ATP6V0A2: variants seen among roughly 807,000 people sequenced by gnomAD.
ATP6V0A2 encodes the protein V-type proton ATPase 116 kDa subunit a 2.
Under a neutral mutation model 104.4 loss-of-function variants are expected in ATP6V0A2, and 58 were observed. The observed-to-expected ratio is 0.56, with a 90% confidence interval of 0.45 to 0.69. The LOEUF is 0.69. Among genes scored for constraint, ATP6V0A2 ranks in the 30% least tolerant of loss-of-function variants. ATP6V0A2 has a pLI of 0.00. For missense variants in ATP6V0A2, 938 were observed against 1,062.9 expected, an observed-to-expected ratio of 0.88 and a Z score of 1.63; for synonymous variants, 376 against 397.9, an observed-to-expected ratio of 0.95 and a Z score of 0.65.
chr12:123,753,386 C>T (rs534495599), intron 17 of ATP6V0A2, among the ~76,000 whole-genome samples: 2 of 152,398 alleles, frequency 1.3e-5, no homozygotes, highest in African/African-American at 2.4e-5. Flanking sequence ...TTGTTTCTCA[C>T]AGCCCCGGAG....
At position 123,743,658 on chromosome 12, in the gene ATP6V0A2, A is replaced by C. The variant is rs560210864; in HGVS notation, c.1039-127A>C. The C allele has an allele frequency of 1.1e-3, 1,216 of 1,156,500 alleles. 4 individuals carry two copies. The African/African-American group carries it at 0.014, about 13-fold the overall frequency. 71.6% of individuals were successfully genotyped at this position (1,156,500 alleles called of 1,614,324 possible). On this transcript the variant is annotated intron_variant, in intron 9 of 19. Transcript: ENST00000330342. ...ACAAGAGTGAAACTCCGTCTCAAAAAAAAACAAAACAAAACAACACCACCA... is the reference window on the plus strand; with the variant it reads ...ACAAGAGTGAAACTCCGTCTCAAAACAAAACAAAACAAAACAACACCACCA...
chr12:123,728,233 T>C (rs1214718350), intron 6 of ATP6V0A2, among the ~76,000 whole-genome samples: 3 of 152,150 alleles, frequency 2.0e-5, no homozygotes, highest in African/African-American at 4.8e-5. Context: ...TTAGTTGTCA[T>C]GTCTCTCTCT....
At position 123,744,827 on chromosome 12, in the gene ATP6V0A2, T is replaced by C. The variant is rs1171877160; in HGVS notation, c.1514+43T>C. 6.2e-7 allele frequency: 1 copy of C among 1,613,988 alleles called. No individual in the cohort carries two copies. Among genetic ancestry groups the C allele is most frequent in the Non-Finnish European group, 8.5e-7 (1 of 1,179,962 alleles). On this transcript the variant is annotated intron_variant, in intron 12 of 19. Transcript: ENST00000330342. This position sits in a 1 kb window ranked among gnomAD's most constrained non-coding sequence, Gnocchi z 5.4. ...GGTGATGCTCTGGGTGGAAAGCATG[T>C]TTCCTAGACCTTCCTCCTCCCAGGT... is the stretch of plus-strand genomic sequence containing the variant.
intron 9 of ATP6V0A2, chr12:123,737,516 T>C (rs1312170178): frequency 4.2e-6 from 2 of 479,944 alleles, no homozygotes; most frequent in African/African-American, 2.0e-5. Context: ...CCCAAAGTGC[T>C]GGGATTACAG....
chr12:123,757,889 A>G, intron 19 of ATP6V0A2, 38 bp from the exon 20 acceptor site: 2 of 1,285,432 alleles, frequency 1.6e-6, no homozygotes, highest in East Asian at 4.6e-5. Context: ...ATGTGATTTC[A>G]TAATCTTCCA....
chr12:123,743,667 A>G, intron 9 of ATP6V0A2, 118 bp from the exon 10 acceptor site: 2 of 1,224,614 alleles, frequency 1.6e-6, no homozygotes, highest in Non-Finnish European at 2.4e-6. Flanking sequence ...AAAAAACAAA[A>G]CAAAACAACA....
chr12:123,752,818 A>G (rs1956728158), intron 17 of ATP6V0A2, among the ~76,000 whole-genome samples: 1 of 152,134 alleles, frequency 6.6e-6, no homozygotes, highest in Non-Finnish European at 1.5e-5. Flanking sequence ...GGATAATTAC[A>G]GTTTTGGGGT....
intron 9 of ATP6V0A2, 72 bp downstream of exon 9, chr12:123,737,343 A>C: frequency 1.4e-6 from 2 of 1,469,384 alleles, no homozygotes; most frequent in Non-Finnish European, 1.9e-6. Context: ...CAGAGAAAAA[A>C]AGGAAGTGAG....
At chr12:123,725,955 C>CA in intron 4 of ATP6V0A2, among the ~76,000 whole-genome samples, 1 of 151,960 alleles carries the variant, frequency 6.6e-6, no homozygotes, top group East Asian at 1.9e-4. Context: ...TGGATGAAGG[C>CA]AATGAACTAA....
chr12:123,744,487 G>C lies in ATP6V0A2; in HGVS notation c.1327-110G>C, dbSNP rs1027348527. The C allele has an allele frequency of 1.5e-5, 24 of 1,565,568 alleles. No individual in the cohort carries two copies. The highest frequency in any genetic ancestry group is 2.1e-5 in the Non-Finnish European group (24 of 1,141,906). ...GCTGCGGCTGACAGGGATGTCTGCG[G>C]GGCGAGGCTGTTTTCTGAGAAGTGA... On this transcript the variant is annotated intron_variant, in intron 11 of 19. Coordinates refer to ENST00000330342, the MANE Select transcript of ATP6V0A2 (RefSeq NM_012463.4). This position sits in a 1 kb window ranked among gnomAD's most constrained non-coding sequence, Gnocchi z 5.4.
At position 123,757,939 on chromosome 12, in the gene ATP6V0A2, G is replaced by T; in HGVS notation, c.2478G>T (p.Gln826His). 2 of 1,577,020 alleles carry T rather than the reference G, an allele frequency of 1.3e-6. No individual in the cohort carries two copies. The highest frequency in any genetic ancestry group is 1.7e-6 in the Non-Finnish European group (2 of 1,159,072). ...HAIRLHWVEF[Q>H]NKFYVGAGTK... The stretch of plus-strand genomic sequence containing the variant: ...TTTTTTTTTTTAGGGTAGAATTTCA[G>T]AACAAATTCTACGTTGGTGCAGGCA... The change falls in exon 20 of 20, where the codon CAG (glutamine) becomes CAT (histidine). Residue 826 changes from glutamine (Q) to histidine (H), a missense_variant. Physicochemically the swap from Gln to His is conservative, Grantham distance 24. Transcript: ENST00000330342.
intron 17 of ATP6V0A2, 179 bp from the exon 18 acceptor site, chr12:123,754,241 A>G: frequency 1.6e-6 from 1 of 634,198 alleles, no homozygotes; most frequent in Non-Finnish European, 2.9e-6. Flanking sequence ...GGAGCTGGGT[A>G]GTGGCAGAGT....
Position 123,744,678 on chromosome 12 carries a change from G to T in ATP6V0A2, c.1408G>T (p.Asp470Tyr). The T allele has an allele frequency of 6.2e-7, 1 of 1,613,994 alleles. No homozygotes were observed. Among genetic ancestry groups the T allele is most frequent in the Non-Finnish European group, 8.5e-7 (1 of 1,180,016 alleles). The change falls in exon 12 of 20, where the codon GAC (aspartate) becomes TAC (tyrosine). Residue 470 changes from aspartate (D) to tyrosine (Y), a missense_variant. Coordinates refer to ENST00000330342, the MANE Select transcript of ATP6V0A2 (RefSeq NM_012463.4). The surrounding 1 kb of genome is among the most constrained non-coding windows in gnomAD (Gnocchi z 5.4). ...FSVYTGLIYNDCFSKSVNLFG... is the reference protein window; with the variant it reads ...FSVYTGLIYNYCFSKSVNLFG... The stretch of plus-strand genomic sequence containing the variant: ...AGTGTACACTGGCCTCATCTACAAC[G>T]ACTGCTTTTCAAAGTCAGTCAACCT...
chr12:123,725,018 C>T (rs1442332749), intron 4 of ATP6V0A2, among the ~76,000 whole-genome samples: 1 of 152,178 alleles, frequency 6.6e-6, no homozygotes, highest in Non-Finnish European at 1.5e-5. Flanking sequence ...TCACTGCACC[C>T]TCCGCCTTCC....
chr12:123,745,568 T>C lies in ATP6V0A2; in HGVS notation c.1605+596T>C, dbSNP rs571691180. On this transcript the variant is annotated intron_variant, in intron 13 of 19. Transcript: ENST00000330342. ...AAAAATACAAAAAATTAGCTGGGTG[T>C]GGTGGCTGGCGCCTGTAGTCCCAGC... Among the ~76,000 whole-genome samples, 364 of 152,072 alleles carry C rather than the reference T, an allele frequency of 2.4e-3. 3 individuals carry two copies. Among genetic ancestry groups the C allele is most frequent in the African/African-American group, 8.1e-3 (336 of 41,486 alleles).
chr12:123,749,787 G>A (rs1002347507), intron 15 of ATP6V0A2, among the ~76,000 whole-genome samples: 3 of 152,204 alleles, frequency 2.0e-5, no homozygotes, highest in Non-Finnish European at 4.4e-5. Flanking sequence ...GACATCTGGG[G>A]AAACCCTCCC....
intron 6 of ATP6V0A2, among the ~76,000 whole-genome samples, chr12:123,728,275 TG>T (rs1956466642): frequency 6.6e-6 from 1 of 152,116 alleles, no homozygotes; most frequent in Non-Finnish European, 1.5e-5. Flanking sequence ...CTTAAGGAGA[TG>T]GGGTCTTGCT....
chr12:123,747,886 G>C (rs769716743), intron 14 of ATP6V0A2, among the ~76,000 whole-genome samples, 161 bp downstream of exon 14: 4 of 152,132 alleles, frequency 2.6e-5, no homozygotes, highest in Non-Finnish European at 5.9e-5. Flanking sequence ...TGTGGTTTCA[G>C]CAATTCATTC....
rs1475973442 is a variant in ATP6V0A2 at position 123,761,717 on chromosome 12, C to T, written c.*3685C>T. On this transcript the variant is annotated 3_prime_UTR_variant, in exon 20 of 20. Transcript: ENST00000330342. ...GCATCTTCTATCAGTATTTAACTTC[C>T]TTTTGCTAATGACAAATAAATATAT... The T allele has an allele frequency of 1.3e-5, 2 of 152,164 alleles. No homozygotes were observed. Among genetic ancestry groups the T allele is most frequent in the East Asian group, 3.9e-4 (2 of 5,188 alleles). The allele number at this position is 152,164 out of a possible 1,614,324, so 9.4% of individuals were successfully genotyped here. A position where few individuals can be genotyped will look rare whatever the true frequency, so the allele number is the denominator to read the frequency against.
Sources: allele counts gnomAD v4.1 joint callset (sites outside exome capture counted in the v4.1 genomes callset), GRCh38; gene constraint gnomAD v4.1.1; non-coding constraint Gnocchi (gnomAD v3.1); transcripts MANE v1.5; gene names NCBI Gene and HGNC (gene_info 2026-07-23, HGNC 2026-07-21).